ROBO1: variants seen among roughly 807,000 people sequenced by gnomAD.
The protein encoded by ROBO1 is roundabout homolog 1.
A neutral mutation model predicts 195.9 loss-of-function variants in ROBO1; 149 were observed. The observed-to-expected ratio is 0.76, with a 90% CI of 0.67 to 0.87. The LOEUF (loss-of-function observed/expected upper bound fraction) is 0.87, where lower values mean the gene tolerates loss of function less well. ROBO1 is among the 40% of genes least tolerant of loss of function. The probability of loss-of-function intolerance (pLI) is 0.00; values close to 1 mark genes in which losing one functional copy is unlikely to be tolerated. For synonymous variants in ROBO1, 816 were observed against 733.2 expected (o/e 1.11, Z -1.82); for missense variants, 1,933 against 2,068.3 (o/e 0.93, Z 1.27).
chr3:79,380,950 G>C (rs915134016), intron 2 of ROBO1, among the ~76,000 whole-genome samples: 6 of 152,194 alleles, frequency 3.9e-5, no homozygotes, highest in Non-Finnish European at 8.8e-5. Flanking sequence ...TACTAGACTA[G>C]AGAGCTTTCA....
chr3:79,645,134 A>G (rs1355418748), intron 1 of ROBO1, among the ~76,000 whole-genome samples: 1 of 152,082 alleles, frequency 6.6e-6, no homozygotes, highest in Non-Finnish European at 1.5e-5. Flanking sequence ...GAACAACCCA[A>G]TGATGTACCT....
chr3:78,909,904 T>C (rs775636706), intron 4 of ROBO1, among the ~76,000 whole-genome samples: 25 of 151,778 alleles, frequency 1.6e-4, no homozygotes, highest in Non-Finnish European at 3.2e-4. Context: ...AACTGTTTGG[T>C]ATACTAAATT....
intron 1 of ROBO1, among the ~76,000 whole-genome samples, chr3:79,693,228 G>A (rs369936372): frequency 6.6e-6 from 1 of 151,872 alleles, no homozygotes; most frequent in Non-Finnish European, 1.5e-5. Flanking sequence ...AAATACATCA[G>A]AGCATCATCT....
chr3:79,270,205 C>T (rs1185523061), intron 2 of ROBO1, among the ~76,000 whole-genome samples: 44 of 151,266 alleles, frequency 2.9e-4, no homozygotes, highest in South Asian at 2.1e-4. Context: ...CTCTCTCTCT[C>T]TCTCTCTCTC....
intron 2 of ROBO1, among the ~76,000 whole-genome samples, chr3:79,450,218 A>T (rs946369859): frequency 1.3e-5 from 2 of 152,076 alleles, no homozygotes; most frequent in Middle Eastern, 3.4e-3. Context: ...TTTTACTGAT[A>T]CTGATGAAAG....
intron 1 of ROBO1, among the ~76,000 whole-genome samples, chr3:79,703,197 T>C (rs758752653): frequency 6.2e-4 from 94 of 152,084 alleles, no homozygotes; most frequent in Non-Finnish European, 1.2e-3. Context: ...ATCACTTTCA[T>C]ATGTCCTAAC....
intron 3 of ROBO1, among the ~76,000 whole-genome samples, chr3:79,076,166 A>T (rs1032039079): frequency 3.3e-5 from 5 of 149,712 alleles, no homozygotes; most frequent in African/African-American, 1.2e-4. Context: ...TTGTGCATGG[A>T]CTATACATAT....
intron 28 of ROBO1, among the ~76,000 whole-genome samples, chr3:78,613,398 G>C (rs1703931345): frequency 6.6e-6 from 1 of 152,188 alleles, no homozygotes; most frequent in African/African-American, 2.4e-5. Flanking sequence ...TGCTGGTAGA[G>C]TTGGGGGATT....
intron 1 of ROBO1, among the ~76,000 whole-genome samples, chr3:79,656,253 A>C (rs1164380216): frequency 6.6e-6 from 1 of 151,452 alleles, no homozygotes; most frequent in Non-Finnish European, 1.5e-5. Flanking sequence ...TTTTTTTTTA[A>C]ATTTAAACAC....
At chr3:79,049,524 T>G (rs534505196) in intron 3 of ROBO1, among the ~76,000 whole-genome samples, 1 of 152,058 alleles carries the variant, frequency 6.6e-6, no homozygotes, top group African/African-American at 2.4e-5. Flanking sequence ...CAGGCCAACA[T>G]TCAAATTCAG....
intron 2 of ROBO1, among the ~76,000 whole-genome samples, chr3:79,212,350 T>A (rs2081981692): frequency 6.6e-6 from 1 of 152,214 alleles, no homozygotes. Flanking sequence ...CTTGACTAGA[T>A]CTTGTTCATG....
At chr3:79,009,654 A>T (rs1056147125) in intron 3 of ROBO1, among the ~76,000 whole-genome samples, 2 of 152,208 alleles carry the variant, frequency 1.3e-5, no homozygotes, top group Non-Finnish European at 2.9e-5. Flanking sequence ...CACAGGTTTC[A>T]TTGGCAGGAA....
At chr3:78,782,982 T>C (rs12633168) in intron 4 of ROBO1, among the ~76,000 whole-genome samples, 37,937 of 152,154 alleles carry the variant, frequency 0.25, 4,963 homozygotes, top group East Asian at 0.49. Flanking sequence ...TGGGCAATCA[T>C]ATAGGCACTG....
At chr3:78,899,820 G>A (rs2037476421) in intron 4 of ROBO1, among the ~76,000 whole-genome samples, 1 of 152,028 alleles carries the variant, frequency 6.6e-6, no homozygotes, top group Non-Finnish European at 1.5e-5. Flanking sequence ...AACACATCCT[G>A]TCAAATAAAG....
intron 2 of ROBO1, among the ~76,000 whole-genome samples, chr3:79,368,988 C>A (rs767610939): frequency 4.6e-5 from 7 of 152,126 alleles, no homozygotes; most frequent in Admixed American, 3.3e-4. Context: ...AAGGTATGCA[C>A]AAATTTGCAA....
At chr3:79,038,415 CCT>C (rs984047201) in intron 3 of ROBO1, among the ~76,000 whole-genome samples, 12 of 152,212 alleles carry the variant, frequency 7.9e-5, no homozygotes, top group Admixed American at 2.6e-4. Context: ...CAGTTAATCC[CCT>C]GATTCTCACA....
intron 4 of ROBO1, among the ~76,000 whole-genome samples, chr3:78,885,442 A>AAAAAAAAAC (rs2036501579): frequency 7.1e-6 from 1 of 140,006 alleles, no homozygotes. Flanking sequence ...AAAAAAAAAA[A>AAAAAAAAAC]CTGAGAGTTC....
At chr3:79,648,152 T>C (rs1945889741) in intron 1 of ROBO1, among the ~76,000 whole-genome samples, 1 of 152,144 alleles carries the variant, frequency 6.6e-6, no homozygotes. Flanking sequence ...TTTTCCGGGC[T>C]AACCCACAGT....
intron 2 of ROBO1, among the ~76,000 whole-genome samples, chr3:79,200,226 T>C (rs2081736910): frequency 6.6e-6 from 1 of 151,792 alleles, no homozygotes; most frequent in Non-Finnish European, 1.5e-5. Flanking sequence ...GCAATTTTTG[T>C]GTGTGTCAAG....
Sources: allele counts gnomAD v4.1 joint callset (sites outside exome capture counted in the v4.1 genomes callset), GRCh38; gene constraint gnomAD v4.1.1; transcripts MANE v1.5; gene names NCBI Gene and HGNC (gene_info 2026-07-23, HGNC 2026-07-21).